SAAL1: variants seen among roughly 807,000 people sequenced by gnomAD.
SAAL1 encodes the protein protein SAAL1.
Under a neutral mutation model 59.8 loss-of-function variants are expected in SAAL1, and 42 were observed. That is an observed-to-expected ratio of 0.70 (90% CI 0.55 to 0.91). The LOEUF (loss-of-function observed/expected upper bound fraction) is 0.91, where lower values mean the gene tolerates loss of function less well. SAAL1 is among the 40% of genes least tolerant of loss of function. The pLI, the probability that SAAL1 is intolerant of heterozygous loss-of-function variation, is 0.00. For synonymous variants in SAAL1, 191 were observed against 194.3 expected (o/e 0.98, Z 0.14); for missense variants, 542 against 561.1 (o/e 0.97, Z 0.34).
chr11:18,086,930 A>T lies in SAAL1; in HGVS notation c.978T>A (p.Val326=), dbSNP rs774355740. Residue 326 remains valine, a synonymous_variant, in exon 9 of 12, where the codon GTT becomes GTA. Transcript: ENST00000524803. ...CATAGATGGCAGACAACACTGAAAA[A>T]ACAGAGGCTAGCACTGTTTTCTGTT... ...LQEQKTVLAS[V]FSVLSAIYAS... is the part of the protein sequence containing the mutation. 1 of 1,614,058 alleles carries T rather than the reference A, an allele frequency of 6.2e-7. No homozygotes were observed. Among genetic ancestry groups the T allele is most frequent in the South Asian group, 1.1e-5 (1 of 91,080 alleles).
Position 18,105,977 on chromosome 11 carries a change from C to T in SAAL1, c.65G>A (p.Gly22Asp). 6.2e-7 allele frequency: 1 copy of T among 1,609,168 alleles called. No homozygotes were observed. The highest frequency in any genetic ancestry group is 8.5e-7 in the Non-Finnish European group (1 of 1,178,754). Residue 22 changes from glycine (G) to aspartate (D), a missense_variant, in exon 1 of 12, where the codon GGT becomes GAT. Transcript: ENST00000524803. Reference sequence around the variant, plus strand: ...GACCGTGCTCCCTATGCAGTCTCCACCGGCCACCTCCTCCTCCTCCTCCTT... The same window carrying T: ...GACCGTGCTCCCTATGCAGTCTCCATCGGCCACCTCCTCCTCCTCCTCCTT... ...RDKEEEEEVA[G>D]GDCIGSTVYS...
intron 2 of SAAL1, among the ~76,000 whole-genome samples, chr11:18,101,452 C>G (rs1468451181): frequency 1.3e-5 from 2 of 152,110 alleles, no homozygotes; most frequent in African/African-American, 4.8e-5. Flanking sequence ...TTATAAGCGT[C>G]TGGCATTTCC....
intron 2 of SAAL1, among the ~76,000 whole-genome samples, 164 bp downstream of exon 2, chr11:18,103,069 A>G (rs1356152945): frequency 1.3e-5 from 2 of 152,236 alleles, no homozygotes; most frequent in Non-Finnish European, 2.9e-5. Context: ...ACAGAAGTTT[A>G]GCATTTATAG....
intron 3 of SAAL1, among the ~76,000 whole-genome samples, chr11:18,095,322 A>C (rs1187609813): frequency 1.3e-5 from 2 of 152,224 alleles, no homozygotes; most frequent in Non-Finnish European, 1.5e-5. Flanking sequence ...AAGACAGAAA[A>C]ACTCAGTATA....
At chr11:18,083,919 C>G (rs1276509548) in intron 9 of SAAL1, among the ~76,000 whole-genome samples, 188 bp from the exon 10 acceptor site, 1 of 152,142 alleles carries the variant, frequency 6.6e-6, no homozygotes, top group Non-Finnish European at 1.5e-5. Context: ...CAGACTATTT[C>G]AGGTTTTGGT....
chr11:18,090,125 A>T, intron 6 of SAAL1, 50 bp downstream of exon 6: 2 of 1,467,898 alleles, frequency 1.4e-6, no homozygotes, highest in Non-Finnish European at 1.8e-6. Context: ...GTTTCCTAAA[A>T]ATTAGATACA....
chr11:18,105,802 T>G, intron 1 of SAAL1, 105 bp downstream of exon 1: 5 of 1,362,732 alleles, frequency 3.7e-6, no homozygotes, highest in South Asian at 1.5e-5. Flanking sequence ...TGGGGAGGGG[T>G]CTTTGTGGGG....
At chr11:18,098,192 G>A (rs747591221) in intron 2 of SAAL1, among the ~76,000 whole-genome samples, 11 of 151,948 alleles carry the variant, frequency 7.2e-5, no homozygotes, top group Non-Finnish European at 1.3e-4. Context: ...CTTAAAACAC[G>A]GTAGGGGAAA....
intron 3 of SAAL1, among the ~76,000 whole-genome samples, chr11:18,096,038 AAGC>A (rs1848572262): frequency 6.6e-6 from 1 of 152,208 alleles, no homozygotes; most frequent in African/African-American, 2.4e-5. Context: ...TAGAGGTCTT[AAGC>A]AGCAGGCTGA....
chr11:18,101,910 T>C (rs1848638328), intron 2 of SAAL1, among the ~76,000 whole-genome samples: 2 of 150,490 alleles, frequency 1.3e-5, no homozygotes, highest in South Asian at 4.2e-4. Flanking sequence ...AAAAAAAGCA[T>C]ATGAGCACAT....
At chr11:18,090,851 G>C (rs1305894166) in intron 4 of SAAL1, 1 of 162,736 alleles carries the variant, frequency 6.1e-6, no homozygotes, top group East Asian at 1.7e-4. Context: ...AGGATTAAGA[G>C]GACATGCTGA....
chr11:18,094,168 T>C (rs1848550050), intron 3 of SAAL1, among the ~76,000 whole-genome samples: 1 of 152,130 alleles, frequency 6.6e-6, no homozygotes. Flanking sequence ...CTTTTATGAT[T>C]AGATAAGTGT....
At chr11:18,089,660 A>G (rs1848501334) in intron 6 of SAAL1, 150 bp from the exon 7 acceptor site, 2 of 642,536 alleles carry the variant, frequency 3.1e-6, no homozygotes. Context: ...TTATGTTTAA[A>G]TTTGCTTATC....
rs779368426 is a variant in SAAL1, at chr11:18,087,137, C to A, written c.853+6G>T. ...AACTGTAGTGCATCCCGATAAACCA[C>A]CTTACCAATTGCTTGAATTCCATCA... is the stretch of plus-strand genomic sequence containing the variant. On this transcript the variant is annotated splice_donor_region_variant and intron_variant, in intron 8 of 11. Coordinates refer to ENST00000524803, the MANE Select transcript of SAAL1 (RefSeq NM_138421.3). 41 of 1,610,248 alleles carry A rather than the reference C, an allele frequency of 2.5e-5. No individual in the cohort carries two copies. The South Asian group carries it at 4.5e-4, about 18-fold the overall frequency.
intron 7 of SAAL1, 83 bp downstream of exon 7, chr11:18,089,247 G>T: frequency 8.3e-7 from 1 of 1,207,598 alleles, no homozygotes; most frequent in South Asian, 1.7e-5. Context: ...CTGTTGTAAG[G>T]AATATAAGAA....
chr11:18,098,679 TA>T (rs765360574), intron 2 of SAAL1, among the ~76,000 whole-genome samples: 4 of 152,212 alleles, frequency 2.6e-5, no homozygotes, highest in Admixed American at 6.5e-5. Flanking sequence ...CTCTACTTAC[TA>T]AAGGACCATG....
intron 3 of SAAL1, among the ~76,000 whole-genome samples, chr11:18,095,275 T>C (rs974038105): frequency 6.6e-6 from 1 of 152,176 alleles, no homozygotes; most frequent in Admixed American, 6.5e-5. Flanking sequence ...TGACATAAGC[T>C]TATTTCTTTA....
At chr11:18,094,783 T>C (rs759159506) in intron 3 of SAAL1, among the ~76,000 whole-genome samples, 4 of 152,072 alleles carry the variant, frequency 2.6e-5, no homozygotes, top group Admixed American at 6.5e-5. Context: ...GGTGGTCAAA[T>C]GTTGGGAAAA....
At chr11:18,081,209 A>G (rs572121741) in intron 11 of SAAL1, among the ~76,000 whole-genome samples, 2 of 152,188 alleles carry the variant, frequency 1.3e-5, no homozygotes, top group Admixed American at 6.5e-5. Context: ...ATAGTATCCA[A>G]TGGTTTAGCT....
Sources: gnomAD v4.1 joint callset for allele counts (sites outside exome capture counted in the v4.1 genomes callset) on GRCh38, gnomAD v4.1.1 for gene constraint, MANE v1.5 for transcripts, NCBI Gene and HGNC (gene_info 2026-07-23, HGNC 2026-07-21) for gene names.